Variants in GULP1 observed in about 807,000 individuals in gnomAD.
GULP1 encodes PTB domain-containing engulfment adapter protein 1.
GULP1 carries 19 observed loss-of-function variants against 40.9 expected under a neutral mutation model. The observed-to-expected ratio is 0.46, with a 90% CI of 0.32 to 0.68. The LOEUF is 0.68. Ranked by LOEUF, GULP1 falls within the 30% of genes least tolerant of loss-of-function variation. GULP1 has a pLI of 0.03. For synonymous variants in GULP1, 119 were observed against 117.6 expected, an observed-to-expected ratio of 1.01 and a Z score of -0.08; for missense variants, 312 against 362.2, an observed-to-expected ratio of 0.86 and a Z score of 1.12.
intron 6 of GULP1, among the ~76,000 whole-genome samples, chr2:188,533,361 T>C (rs1234149287): frequency 6.6e-6 from 1 of 152,008 alleles, no homozygotes; most frequent in African/African-American, 2.4e-5. Context: ...TTTGACAAAG[T>C]CAACAAAAAT....
intron 1 of GULP1, among the ~76,000 whole-genome samples, chr2:188,298,904 C>T (rs2035566235): frequency 6.6e-6 from 1 of 152,144 alleles, no homozygotes; most frequent in Non-Finnish European, 1.5e-5. Context: ...AGGCAATTTA[C>T]TTCTATAAAA....
Position 188,593,935 on chromosome 2 carries a change from T to C in GULP1, c.844-5T>C. On this transcript the variant is annotated splice_region_variant and splice_polypyrimidine_tract_variant and intron_variant, in intron 11 of 11. Transcript: ENST00000409830. ...AGATATTAATTATTTTATTCTGTTT[T>C]ACAGGAGGGGTTCAAAATGGGACTA... is the stretch of plus-strand genomic sequence containing the variant. 1 of 1,524,184 alleles carries C rather than the reference T, an allele frequency of 6.6e-7. No individual in the cohort carries two copies. Among genetic ancestry groups the C allele is most frequent in the Non-Finnish European group, 9.1e-7 (1 of 1,099,498 alleles). The allele number at this position is 1,524,184 out of a possible 1,614,324, so 94.4% of individuals were successfully genotyped here.
At chr2:188,468,217 T>C (rs749939653) in intron 2 of GULP1, among the ~76,000 whole-genome samples, 10 of 152,162 alleles carry the variant, frequency 6.6e-5, no homozygotes, top group Non-Finnish European at 1.2e-4. Flanking sequence ...AGTGTTTTCT[T>C]TGATGAAATT....
At chr2:188,579,055 A>C (rs6710263) in intron 9 of GULP1, among the ~76,000 whole-genome samples, 1,655 of 152,256 alleles carry the variant, frequency 0.011, 36 homozygotes, top group African/African-American at 0.037. Flanking sequence ...TCAAGCACCA[A>C]ATTTATCCAT....
intron 4 of GULP1, among the ~76,000 whole-genome samples, chr2:188,509,828 C>A (rs1471595970): frequency 1.3e-5 from 2 of 151,882 alleles, no homozygotes; most frequent in Admixed American, 6.6e-5. Flanking sequence ...AGTGAAAGAA[C>A]CTGTAAGAAA....
intron 1 of GULP1, among the ~76,000 whole-genome samples, chr2:188,308,665 G>T (rs957596025): frequency 6.6e-6 from 1 of 152,198 alleles, no homozygotes; most frequent in African/African-American, 2.4e-5. Flanking sequence ...AAGACTTACT[G>T]AGGTGCAGAT....
chr2:188,500,017 T>C (rs1435828221), intron 4 of GULP1, among the ~76,000 whole-genome samples: 1 of 151,856 alleles, frequency 6.6e-6, no homozygotes, highest in East Asian at 1.9e-4. Context: ...ACAATCATTT[T>C]AGCAACTAAG....
intron 2 of GULP1, among the ~76,000 whole-genome samples, chr2:188,471,627 A>G (rs945019063): frequency 1.3e-5 from 2 of 152,170 alleles, no homozygotes; most frequent in African/African-American, 4.8e-5. Context: ...CACTGTTTGC[A>G]TAAACCAACT....
At chr2:188,464,158 G>A (rs1390852753) in intron 2 of GULP1, among the ~76,000 whole-genome samples, 2 of 152,032 alleles carry the variant, frequency 1.3e-5, no homozygotes, top group African/African-American at 4.8e-5. Context: ...TCCTTCTTGG[G>A]CAGGCTTTCC....
chr2:188,436,500 A>G (rs2057419806), intron 2 of GULP1, among the ~76,000 whole-genome samples: 2 of 152,076 alleles, frequency 1.3e-5, no homozygotes, highest in Admixed American at 1.3e-4. Flanking sequence ...TTCTCATTAT[A>G]GAAACATGTT....
chr2:188,307,445 T>G lies in GULP1; in HGVS notation c.-172+15279T>G, dbSNP rs143034598. Reference sequence around the variant, plus strand: ...ATACATCTCCTTTTTCGAGATTTTTTTTTTTACAAATAAAATATGGTAGTA... The same window carrying G: ...ATACATCTCCTTTTTCGAGATTTTTGTTTTTACAAATAAAATATGGTAGTA... On this transcript the variant is annotated intron_variant, in intron 1 of 11. Transcript: ENST00000409830. Among the ~76,000 whole-genome samples, 355 of 152,232 alleles carry G rather than the reference T, an allele frequency of 2.3e-3. 1 individual carries two copies. The highest frequency in any genetic ancestry group is 8.1e-3 in the African/African-American group (338 of 41,578).
At chr2:188,533,202 A>T (rs1443073141) in intron 6 of GULP1, among the ~76,000 whole-genome samples, 5 of 152,134 alleles carry the variant, frequency 3.3e-5, no homozygotes, top group South Asian at 2.1e-4. Context: ...AACTTTTTTT[A>T]AAAAATAGCG....
chr2:188,374,904 A>G (rs1466223888), intron 1 of GULP1, among the ~76,000 whole-genome samples: 1 of 152,190 alleles, frequency 6.6e-6, no homozygotes, highest in African/African-American at 2.4e-5. Flanking sequence ...GCACACTGTT[A>G]TGTGAAAATG....
At chr2:188,438,573 T>A (rs1017262391) in intron 2 of GULP1, among the ~76,000 whole-genome samples, 1 of 151,672 alleles carries the variant, frequency 6.6e-6, no homozygotes, top group Non-Finnish European at 1.5e-5. Flanking sequence ...CATTTCTTAC[T>A]TCCTATTACA....
intron 7 of GULP1, among the ~76,000 whole-genome samples, chr2:188,563,693 C>A (rs1696924554): frequency 6.6e-6 from 1 of 151,684 alleles, no homozygotes; most frequent in Non-Finnish European, 1.5e-5. Flanking sequence ...CTATTAAAAT[C>A]TGTAAAACAT....
At chr2:188,461,476 A>G (rs920831039) in intron 2 of GULP1, among the ~76,000 whole-genome samples, 4 of 151,878 alleles carry the variant, frequency 2.6e-5, no homozygotes, top group African/African-American at 9.7e-5. Flanking sequence ...ATGCACCACC[A>G]TTCCCAGCTA....
chr2:188,570,549 A>G (rs925717117), intron 9 of GULP1, among the ~76,000 whole-genome samples: 3 of 152,166 alleles, frequency 2.0e-5, no homozygotes, highest in Admixed American at 2.0e-4. Flanking sequence ...TTACATGGTA[A>G]GGGTTCCCGC....
intron 2 of GULP1, among the ~76,000 whole-genome samples, chr2:188,388,555 AAAAC>A (rs959064317): frequency 1.2e-4 from 18 of 152,036 alleles, no homozygotes; most frequent in African/African-American, 4.3e-4. Flanking sequence ...AAAATCAAAA[AAAAC>A]AAAAAACAAA....
intron 10 of GULP1, among the ~76,000 whole-genome samples, chr2:188,587,122 A>C (rs908140656): frequency 1.1e-4 from 16 of 152,034 alleles, no homozygotes; most frequent in Non-Finnish European, 2.1e-4. Flanking sequence ...TATTTTAAAA[A>C]TCCCATAATA....
Sources: allele counts gnomAD v4.1 joint callset (sites outside exome capture counted in the v4.1 genomes callset), GRCh38; gene constraint gnomAD v4.1.1; transcripts MANE v1.5; gene names NCBI Gene and HGNC (gene_info 2026-07-23, HGNC 2026-07-21).